Variants in DOP1A observed in about 807,000 individuals in gnomAD.
DOP1A encodes DOP1 leucine zipper like protein A, also known as protein DOP1A.
Under a neutral mutation model 267.6 loss-of-function variants are expected in DOP1A, and 90 were observed. The ratio of observed to expected loss-of-function variants is 0.34; its 90% CI spans 0.28 to 0.40. DOP1A has a LOEUF of 0.40. Ranked by LOEUF, DOP1A falls within the 10% of genes least tolerant of loss-of-function variation. The pLI is 1.00. For missense variants in DOP1A, 2,437 were observed against 2,900.4 expected (o/e 0.84, Z 3.67); for synonymous variants, 932 against 999.1 (o/e 0.93, Z 1.27).
At chr6:83,092,062 T>C (rs1013189060) in intron 1 of DOP1A, among the ~76,000 whole-genome samples, 1 of 152,180 alleles carries the variant, frequency 6.6e-6, no homozygotes, top group Non-Finnish European at 1.5e-5. Context: ...TTTAACTGTT[T>C]TATTAGCTAT....
chr6:83,141,886 A>T (rs762040605), intron 23 of DOP1A, 35 bp from the exon 24 acceptor site: 108 of 1,570,986 alleles, frequency 6.9e-5, no homozygotes, highest in Non-Finnish European at 8.1e-5. Flanking sequence ...TCATTTTTTA[A>T]AAGTTTCACT....
intron 1 of DOP1A, among the ~76,000 whole-genome samples, chr6:83,085,375 A>G (rs1768936123): frequency 6.6e-6 from 1 of 152,212 alleles, no homozygotes. Context: ...ATAAATAGGA[A>G]AATTTCAAAG....
Position 83,135,650 on chromosome 6 carries a change from A to C in DOP1A, c.2902A>C (p.Ser968Arg). 6.2e-7 allele frequency: 1 copy of C among 1,613,524 alleles called. No homozygotes were observed. The highest frequency in any genetic ancestry group is 8.5e-7 in the Non-Finnish European group (1 of 1,179,596). The change falls in exon 20 of 39, where the codon AGT becomes CGT. Residue 968 changes from serine (S) to arginine (R), a missense_variant. Ser to Arg is a moderately radical substitution (Grantham distance 110). Transcript: ENST00000349129. ...SLFIMLDSLN[S>R]LDGSTSSVGQ... ...GTTCATCATGTTAGATAGCCTTAAC[A>C]GTCTCGATGGTTCTACTAGCTCTGT...
downstream of DOP1A, chr6:83,170,405 G>A (rs775608964): frequency 2.5e-6 from 4 of 1,613,976 alleles, no homozygotes; most frequent in South Asian, 2.2e-5. Context: ...GTCATTGATT[G>A]CCTCCTGTAA....
At chr6:83,108,856 T>C (rs1036927540) in intron 4 of DOP1A, 54 bp from the exon 5 acceptor site, 1 of 1,479,772 alleles carries the variant, frequency 6.8e-7, no homozygotes, top group Non-Finnish European at 9.2e-7. Context: ...GCATATGAAT[T>C]AATATTGTAT....
At chr6:83,100,338 T>C (rs1253617202) in intron 3 of DOP1A, among the ~76,000 whole-genome samples, 2 of 152,152 alleles carry the variant, frequency 1.3e-5, no homozygotes, top group African/African-American at 2.4e-5. Context: ...AAAAATGGAT[T>C]GAAGGCTGTA....
intron 1 of DOP1A, among the ~76,000 whole-genome samples, chr6:83,075,557 G>A (rs1293423080): frequency 6.6e-6 from 1 of 152,090 alleles, no homozygotes; most frequent in Non-Finnish European, 1.5e-5. Flanking sequence ...TGAAACAGAA[G>A]GAATAAAAGG....
chr6:83,120,930 C>T, intron 10 of DOP1A, 139 bp downstream of exon 10: 3 of 544,596 alleles, frequency 5.5e-6, no homozygotes, highest in East Asian at 2.9e-5. Flanking sequence ...TTAAAGTTCA[C>T]TCTACAAAGT....
intron 30 of DOP1A, among the ~76,000 whole-genome samples, chr6:83,153,118 C>T (rs1782055552): frequency 1.3e-5 from 2 of 151,776 alleles, no homozygotes; most frequent in South Asian, 4.2e-4. Context: ...TGTTAATTGA[C>T]AGTGTTGGAA....
intron 27 of DOP1A, among the ~76,000 whole-genome samples, chr6:83,151,203 A>G (rs1009879078): frequency 6.6e-6 from 1 of 152,210 alleles, no homozygotes; most frequent in African/African-American, 2.4e-5. Flanking sequence ...CCCAGGCCAG[A>G]GTGCAGTGGT....
chr6:83,153,617 A>G lies in DOP1A; in HGVS notation c.6236A>G (p.His2079Arg). The G allele has an allele frequency of 6.3e-7, 1 of 1,583,812 alleles. No individual in the cohort carries two copies. The highest frequency in any genetic ancestry group is 2.3e-5 in the East Asian group (1 of 44,010). ...TATGTTGTGCCCTACCTCAGAAATCACAGGTACTATCATTATTTAAATAGT... is the reference window on the plus strand; with the variant it reads ...TATGTTGTGCCCTACCTCAGAAATCGCAGGTACTATCATTATTTAAATAGT... ...MHYVVPYLRN[H>R]SAHNAPSYRA... The change falls in exon 31 of 39, where the codon CAC (histidine) becomes CGC (arginine). Residue 2079 changes from histidine to arginine, a missense_variant. This residue lies in a region of DOP1A where 216 missense variants were observed against 283.3 expected (regional missense o/e 0.76). Transcript: ENST00000349129.
At chr6:83,134,944 T>TGC (rs1778644168) in intron 19 of DOP1A, among the ~76,000 whole-genome samples, 2 of 152,162 alleles carry the variant, frequency 1.3e-5, no homozygotes, top group South Asian at 4.1e-4. Context: ...TTTCAGCTGG[T>TGC]GCTTTTCAAC....
intron 4 of DOP1A, 46 bp downstream of exon 4, chr6:83,100,932 GTATTGCTAAACTATTTTATACT>G (rs748625022): frequency 7.4e-4 from 892 of 1,207,484 alleles, no homozygotes; most frequent in Admixed American, 1.3e-3. Flanking sequence ...TAAAGAAAAT[GTATTGCTAAACTATTTTATACT>G]TTCTGCACTA....
intron 36 of DOP1A, among the ~76,000 whole-genome samples, chr6:83,159,449 T>A (rs1783690040): frequency 6.6e-6 from 1 of 151,796 alleles, no homozygotes; most frequent in Non-Finnish European, 1.5e-5. Context: ...AGTGTTTTTT[T>A]TTTTTGTCTG....
chr6:83,071,825 A>C (rs1785658642), intron 1 of DOP1A, among the ~76,000 whole-genome samples: 1 of 152,228 alleles, frequency 6.6e-6, no homozygotes, highest in African/African-American at 2.4e-5. Context: ...ACTAGGGTAC[A>C]TTAGCCTTAA....
At position 83,157,331 on chromosome 6, in the gene DOP1A, T is replaced by C; in HGVS notation, c.6741+13T>C. The C allele has an allele frequency of 6.2e-7, 1 of 1,611,402 alleles. No homozygotes were observed. Among genetic ancestry groups the C allele is most frequent in the South Asian group, 1.1e-5 (1 of 90,694 alleles). On this transcript the variant is annotated intron_variant, in intron 35 of 38. Transcript: ENST00000349129. ...GATTACAGAACTTGTGAGTTAATTT[T>C]AATTCAGTCAGGTTATAAATCTAAA...
At chr6:83,142,951 C>A (rs1167106251) in intron 24 of DOP1A, among the ~76,000 whole-genome samples, 2 of 152,058 alleles carry the variant, frequency 1.3e-5, no homozygotes, top group African/African-American at 4.8e-5. Flanking sequence ...ATTTTTTCCA[C>A]CTAACAATTC....
chr6:83,166,552 C>A (rs1554254945), intron 38 of DOP1A: 11 of 604,628 alleles, frequency 1.8e-5, no homozygotes, highest in Middle Eastern at 2.6e-4. Context: ...AGCAATAAGT[C>A]ATTAGCAAAA....
At chr6:83,163,838 T>C (rs1784798511) in intron 38 of DOP1A, among the ~76,000 whole-genome samples, 1 of 152,062 alleles carries the variant, frequency 6.6e-6, no homozygotes, top group African/African-American at 2.4e-5. Context: ...AGGGGAAAAG[T>C]GGGAATTTAC....
Sources: gnomAD v4.1 joint callset for allele counts (sites outside exome capture counted in the v4.1 genomes callset) on GRCh38, gnomAD v4.1.1 for gene constraint, gnomAD v4.1.1 regional missense constraint, MANE v1.5 for transcripts, NCBI Gene and HGNC (gene_info 2026-07-23, HGNC 2026-07-21) for gene names.